The following DCUN1D4 variants were observed in gnomAD, a reference collection of about 807,000 sequenced individuals.
DCUN1D4 encodes DCN1-like protein 4.
Under a neutral mutation model 47.9 loss-of-function variants are expected in DCUN1D4, and 22 were observed. That is an observed-to-expected ratio of 0.46 (90% CI 0.33 to 0.66). The LOEUF is 0.66. Ranked by LOEUF, DCUN1D4 falls within the 30% of genes least tolerant of loss-of-function variation. The pLI is 0.02. For synonymous variants in DCUN1D4, 121 were observed against 112.2 expected (o/e 1.08, Z -0.50); for missense variants, 301 against 340.8 (o/e 0.88, Z 0.92).
intron 1 of DCUN1D4, chr4:51,844,824 A>G (rs929414280): frequency 5.7e-5 from 56 of 985,200 alleles, no homozygotes; most frequent in Non-Finnish European, 6.6e-5. Context: ...GGTTGGGTGC[A>G]CGTGGGTAAC....
At chr4:51,895,942 C>G (rs1175200361) in intron 7 of DCUN1D4, among the ~76,000 whole-genome samples, 1 of 152,034 alleles carries the variant, frequency 6.6e-6, no homozygotes, top group African/African-American at 2.4e-5. Flanking sequence ...CTTACATGTC[C>G]CAAGCCAGGC....
chr4:51,836,096 C>G, the DCUN1D4 span, among the ~76,000 whole-genome samples: 1 of 152,178 alleles, frequency 6.6e-6, no homozygotes, highest in Non-Finnish European at 1.5e-5. Context: ...TGGAACTAAT[C>G]TCTCACTAAC....
At chr4:51,843,711 G>C in intron 1 of DCUN1D4, 1 of 1,229,316 alleles carries the variant, frequency 8.1e-7, no homozygotes, top group Non-Finnish European at 1.0e-6. Flanking sequence ...CCAAAGGGCT[G>C]AGTGGTGCGG....
At chr4:51,907,133 A>AT (rs1560519521) in intron 8 of DCUN1D4, among the ~76,000 whole-genome samples, 1 of 152,182 alleles carries the variant, frequency 6.6e-6, no homozygotes, top group African/African-American at 2.4e-5. Flanking sequence ...AAATAATGAC[A>AT]TTTTTTTAGA....
intron 1 of DCUN1D4, chr4:51,860,720 T>C: frequency 4.5e-6 from 2 of 446,150 alleles, no homozygotes; most frequent in South Asian, 3.2e-5. Flanking sequence ...ACTCACTCAC[T>C]GTCTCAAAGA....
At chr4:51,882,533 C>T (rs922815874) in intron 5 of DCUN1D4, among the ~76,000 whole-genome samples, 11 of 152,014 alleles carry the variant, frequency 7.2e-5, no homozygotes, top group East Asian at 1.9e-4. Context: ...TTGGGGAGGC[C>T]GAGGCGGGCG....
At chr4:51,842,675 G>A (rs1427848809), upstream of DCUN1D4, among the ~76,000 whole-genome samples, 1 of 152,210 alleles carries the variant, frequency 6.6e-6, no homozygotes, top group Non-Finnish European at 1.5e-5. Context: ...CCGGGCGCTA[G>A]GGACGGACGC....
At chr4:51,843,544 T>A (rs1424907368) in intron 1 of DCUN1D4, 5 of 1,189,048 alleles carry the variant, frequency 4.2e-6, no homozygotes, top group Non-Finnish European at 5.1e-6. Context: ...AAGGGAGGGC[T>A]GGACGTGCGA....
At chr4:51,859,217 C>A (rs1279756009) in intron 1 of DCUN1D4, among the ~76,000 whole-genome samples, 1 of 152,140 alleles carries the variant, frequency 6.6e-6, no homozygotes, top group Non-Finnish European at 1.5e-5. Context: ...CCAGAAATAT[C>A]TCTTTACGTG....
At position 51,859,581 on chromosome 4, in the gene DCUN1D4, A is replaced by G. The variant is rs1226738273; in HGVS notation, c.26-3856A>G. ...GGGGGAATGGACTTTGACCCCCTCA[A>G]TGGCATTCATTTTTTTTTCTTTTGT... On this transcript the variant is annotated intron_variant, in intron 1 of 10. Coordinates refer to ENST00000334635, the MANE Select transcript of DCUN1D4 (RefSeq NM_001040402.3). Among the ~76,000 whole-genome samples, 4 of 133,050 alleles carry G rather than the reference A, an allele frequency of 3.0e-5. No individual in the cohort carries two copies. In the Admixed American group the frequency reaches 3.8e-4, roughly 13 times the overall value. The allele number at this position is 133,050 out of a possible 152,430, so 87.3% of individuals were successfully genotyped here. A position where few individuals can be genotyped will look rare whatever the true frequency, so the allele number is the denominator to read the frequency against.
chr4:51,891,689 C>T, intron 6 of DCUN1D4, 71 bp from the exon 7 acceptor site: 1 of 1,218,120 alleles, frequency 8.2e-7, no homozygotes, highest in Non-Finnish European at 1.2e-6. Context: ...GTATTAATGA[C>T]AGATCTATTT....
rs1734344230 is a variant in DCUN1D4 at position 51,916,572 on chromosome 4, G to C, written c.*2988G>C. On this transcript the variant is annotated 3_prime_UTR_variant, in exon 11 of 11. Transcript: ENST00000334635. ...TAAAATGTTGGGTGTCTGTAAATGA[G>C]ACCAAAACGTGGGTTGCTTTTTTCA... 1 of 152,536 alleles carries C rather than the reference G, an allele frequency of 6.6e-6. No individual in the cohort carries two copies. Among genetic ancestry groups the C allele is most frequent in the African/African-American group, 2.4e-5 (1 of 41,432 alleles). The allele number at this position is 152,536 out of a possible 1,614,324, so 9.4% of individuals were successfully genotyped here. A position where few individuals can be genotyped will look rare whatever the true frequency, so the allele number is the denominator to read the frequency against.
At chr4:51,879,750 G>A (rs1237186223) in intron 5 of DCUN1D4, among the ~76,000 whole-genome samples, 1 of 152,200 alleles carries the variant, frequency 6.6e-6, no homozygotes, top group Non-Finnish European at 1.5e-5. Context: ...TTATGAAAAT[G>A]TTTTATAAGA....
chr4:51,870,606 CTTA>C (rs928363792), intron 3 of DCUN1D4, among the ~76,000 whole-genome samples: 3 of 151,684 alleles, frequency 2.0e-5, no homozygotes, highest in African/African-American at 4.8e-5. Context: ...ATGGATGTAT[CTTA>C]TTATTACTGT....
the DCUN1D4 span, among the ~76,000 whole-genome samples, chr4:51,834,158 C>T: frequency 9.3e-6 from 1 of 107,310 alleles, no homozygotes; most frequent in African/African-American, 3.9e-5. Context: ...GGGGTAATAT[C>T]TTAACTCATC....
intron 7 of DCUN1D4, 58 bp from the exon 8 acceptor site, chr4:51,899,212 A>G (rs984980688): frequency 2.0e-6 from 3 of 1,488,244 alleles, no homozygotes; most frequent in Non-Finnish European, 8.9e-7. Context: ...TACTGCCTCT[A>G]TTAAAAAAAT....
At chr4:51,876,715 T>C (rs1392298916) in intron 4 of DCUN1D4, among the ~76,000 whole-genome samples, 1 of 152,104 alleles carries the variant, frequency 6.6e-6, no homozygotes, top group African/African-American at 2.4e-5. Flanking sequence ...GAGCACTGAC[T>C]TTTGGTATAC....
chr4:51,837,227 C>T, the DCUN1D4 span, among the ~76,000 whole-genome samples: 4 of 152,110 alleles, frequency 2.6e-5, no homozygotes, highest in African/African-American at 9.7e-5. Flanking sequence ...TATTCAAATA[C>T]TTTGTTAATT....
chr4:51,843,722 G>C, intron 1 of DCUN1D4: 3 of 1,223,894 alleles, frequency 2.5e-6, no homozygotes, highest in Non-Finnish European at 3.0e-6. Flanking sequence ...AGTGGTGCGG[G>C]CGGCTCCGTG....
Sources: gnomAD v4.1 joint callset for allele counts (sites outside exome capture counted in the v4.1 genomes callset) on GRCh38, gnomAD v4.1.1 for gene constraint, MANE v1.5 for transcripts, NCBI Gene and HGNC (gene_info 2026-07-23, HGNC 2026-07-21) for gene names.